The following RANBP3L variants were observed in gnomAD, a reference collection of about 807,000 sequenced individuals.
RANBP3L encodes the protein RAN binding protein 3 like.
RANBP3L carries 56 observed loss-of-function variants against 67.2 expected under a neutral mutation model. That is an observed-to-expected ratio of 0.83 (90% CI 0.67 to 1.04). The LOEUF is 1.04. Ranked by LOEUF, RANBP3L falls within the 50% of genes least tolerant of loss-of-function variation. RANBP3L has a pLI of 0.00. For synonymous variants in RANBP3L, 164 were observed against 181.4 expected (o/e 0.90, Z 0.77); for missense variants, 496 against 535.5 (o/e 0.93, Z 0.73).
chr5:36,273,611 A>G (rs2111929698), intron 1 of RANBP3L, among the ~76,000 whole-genome samples: 1 of 152,276 alleles, frequency 6.6e-6, no homozygotes, highest in African/African-American at 2.4e-5. Flanking sequence ...CAATTCTCTT[A>G]GCTCCAAAGA....
chr5:36,290,039 G>A (rs1751605658), intron 1 of RANBP3L, among the ~76,000 whole-genome samples: 1 of 152,064 alleles, frequency 6.6e-6, no homozygotes, highest in African/African-American at 2.4e-5. Flanking sequence ...TTTTTCATCA[G>A]GTTGAGGAAG....
intron 1 of RANBP3L, among the ~76,000 whole-genome samples, chr5:36,292,865 G>A (rs1751903648): frequency 6.6e-6 from 1 of 152,090 alleles, no homozygotes; most frequent in Non-Finnish European, 1.5e-5. Context: ...TTTGGCTTAG[G>A]ATTGACTTGG....
At chr5:36,268,110 C>T (rs1250217173) in intron 4 of RANBP3L, 7 of 876,860 alleles carry the variant, frequency 8.0e-6, no homozygotes, top group Admixed American at 3.4e-5. Context: ...ATTTTATGAT[C>T]GCTAAAAAAG....
At chr5:36,264,807 CT>C (rs1453331548) in intron 6 of RANBP3L, 151 bp downstream of exon 6, 1 of 673,710 alleles carries the variant, frequency 1.5e-6, no homozygotes, top group African/African-American at 1.8e-5. Context: ...CAGAGTACAA[CT>C]TTGAAAAGTT....
Position 36,257,459 on chromosome 5 carries a change from CTTAAAAAG to C in RANBP3L, c.759_766del (p.Asn253LysfsTer8). The stretch of plus-strand genomic sequence containing the variant: ...ACAAATGAAAGAATTCTTACTTGAA[CTTAAAAAG>C]TTGACAGGAAATTTCGGAATGGATT... On this transcript the variant is annotated frameshift_variant, in exon 9 of 14. Transcript: ENST00000296604. LOFTEE classifies it high-confidence loss of function. 6.6e-7 allele frequency: 1 copy of C among 1,510,494 alleles called. No individual in the cohort carries two copies. The highest frequency in any genetic ancestry group is 9.1e-7 in the Non-Finnish European group (1 of 1,094,238). 93.6% of individuals were successfully genotyped at this position (1,510,494 alleles called of 1,614,324 possible).
intron 1 of RANBP3L, among the ~76,000 whole-genome samples, chr5:36,290,267 G>A (rs1478986207): frequency 6.7e-6 from 1 of 148,958 alleles, no homozygotes; most frequent in Non-Finnish European, 1.5e-5. Flanking sequence ...GCACAGGCTG[G>A]AGTGCAGTGA....
intron 1 of RANBP3L, among the ~76,000 whole-genome samples, chr5:36,298,978 G>A (rs778062166): frequency 2.0e-5 from 3 of 152,082 alleles, no homozygotes; most frequent in South Asian, 2.1e-4. Context: ...CTGTGAGGGC[G>A]TTGCCAAAAG....
intron 1 of RANBP3L, among the ~76,000 whole-genome samples, chr5:36,277,996 G>A (rs1020342490): frequency 3.3e-5 from 5 of 151,998 alleles, no homozygotes; most frequent in Admixed American, 6.6e-5. Flanking sequence ...TCACTACCAC[G>A]AGAACAGCTC....
chr5:36,287,694 T>G (rs981859430), intron 1 of RANBP3L, among the ~76,000 whole-genome samples: 1 of 152,214 alleles, frequency 6.6e-6, no homozygotes, highest in African/African-American at 2.4e-5. Context: ...TAGATAGTTC[T>G]TTTTATTATA....
At chr5:36,264,068 C>T (rs1278246227) in intron 6 of RANBP3L, among the ~76,000 whole-genome samples, 1 of 152,168 alleles carries the variant, frequency 6.6e-6, no homozygotes, top group East Asian at 1.9e-4. Flanking sequence ...TGATCAAGTT[C>T]AAGTCCCTTA....
At chr5:36,298,369 A>G (rs187537901) in intron 1 of RANBP3L, among the ~76,000 whole-genome samples, 222 of 152,260 alleles carry the variant, frequency 1.5e-3, no homozygotes, top group Middle Eastern at 3.4e-3. Context: ...GAAGTGTCGA[A>G]TGTCAATTAA....
intron 1 of RANBP3L, among the ~76,000 whole-genome samples, chr5:36,290,292 A>G (rs1751633037): frequency 6.8e-6 from 1 of 147,906 alleles, no homozygotes; most frequent in Admixed American, 6.8e-5. Context: ...GTCTTGACTC[A>G]CTACAACATT....
chr5:36,265,462 C>G lies in RANBP3L; in HGVS notation c.327G>C (p.Lys109Asn). The change falls in exon 5 of 14, where the codon AAG becomes AAC. Residue 109 changes from lysine (K) to asparagine (N), a missense_variant. Coordinates refer to ENST00000296604, the MANE Select transcript of RANBP3L (RefSeq NM_145000.5). ...SALVQSSVDI[K>N]SAEQGPVKHS... Reference sequence around the variant, plus strand: ...GAAGCTACATACCTTGTTCAGCACTCTTTATATCAACACTACTTTGCACAA... The same window carrying G: ...GAAGCTACATACCTTGTTCAGCACTGTTTATATCAACACTACTTTGCACAA... 1.9e-6 allele frequency: 3 copies of G among 1,599,802 alleles called. No individual in the cohort carries two copies. The highest frequency in any genetic ancestry group is 1.7e-6 in the Non-Finnish European group (2 of 1,169,538).
chr5:36,273,274 T>G (rs1239742709), intron 1 of RANBP3L, among the ~76,000 whole-genome samples: 2 of 152,224 alleles, frequency 1.3e-5, no homozygotes, highest in African/African-American at 2.4e-5. Context: ...AATAATATGT[T>G]GACCTTCCCT....
In RANBP3L at chr5:36,246,962, G is replaced by C. The variant is rs971488590; in HGVS notation, c.*2692C>G. Among the ~76,000 whole-genome samples, 2 of 151,930 alleles carry C rather than the reference G, an allele frequency of 1.3e-5. No homozygotes were observed. The highest frequency in any genetic ancestry group is 2.4e-5 in the African/African-American group (1 of 41,336). ...TGTCTATAATTAGGGTAAACAGTTG[G>C]GTAAAATCTTACTAAAAGAAAGTTA... is the stretch of plus-strand genomic sequence containing the variant. On this transcript the variant is annotated 3_prime_UTR_variant, in exon 14 of 14. Coordinates refer to ENST00000296604, the MANE Select transcript of RANBP3L (RefSeq NM_145000.5).
chr5:36,248,081 G>T lies in RANBP3L; in HGVS notation c.*1573C>A, dbSNP rs1396540621. 2.0e-5 allele frequency among the ~76,000 whole-genome samples: 3 copies of T among 152,154 alleles called. No individual in the cohort carries two copies. Among genetic ancestry groups the T allele is most frequent in the Middle Eastern group, 3.4e-3 (1 of 292 alleles). On this transcript the variant is annotated 3_prime_UTR_variant, in exon 14 of 14. Coordinates refer to ENST00000296604, the MANE Select transcript of RANBP3L (RefSeq NM_145000.5). ...TTTCTGCTGAGTGTGTTCCGCATCA[G>T]AGTCACTCTTCTTGATTTTAAAAAA...
rs374264382 is a variant in RANBP3L, at chr5:36,301,431, G to A, written c.-15C>T. 177 of 1,607,704 alleles carry A rather than the reference G, an allele frequency of 1.1e-4. No individual in the cohort carries two copies. The highest frequency in any genetic ancestry group is 1.0e-3 in the Admixed American group (60 of 59,974). On this transcript the variant is annotated 5_prime_UTR_variant, in exon 1 of 14. Transcript: ENST00000296604. ...ATGGTAGTCATGGTCCTAGCAGTAT[G>A]GCTGTGACTCAAGGATCACTAGGGC...
Position 36,295,673 on chromosome 5 carries a change from GTTTT to G in RANBP3L, c.91+5649_91+5652del, listed in dbSNP as rs11318481. On this transcript the variant is annotated intron_variant, in intron 1 of 13. Transcript: ENST00000296604. ...TTCTCACCAACATTTGTTATATCCT[GTTTT>G]TTTTTTTTTTTTTTTCAAATAGTAG... Among the ~76,000 whole-genome samples the G allele has an allele frequency of 8.8e-3, 1,066 of 120,534 alleles. 16 individuals are homozygous for G. The highest frequency in any genetic ancestry group is 0.031 in the African/African-American group (989 of 31,996). The allele number at this position is 120,534 out of a possible 152,430, so 79.1% of individuals were successfully genotyped here.
At chr5:36,285,598 G>T (rs1018638751) in intron 1 of RANBP3L, among the ~76,000 whole-genome samples, 1 of 152,140 alleles carries the variant, frequency 6.6e-6, no homozygotes, top group African/African-American at 2.4e-5. Context: ...AGTTGTAATT[G>T]ACTTTAGAAG....
Sources: allele counts gnomAD v4.1 joint callset (sites outside exome capture counted in the v4.1 genomes callset), GRCh38; gene constraint gnomAD v4.1.1; transcripts MANE v1.5; gene names NCBI Gene and HGNC (gene_info 2026-07-23, HGNC 2026-07-21).